KDM5B: variants seen among roughly 807,000 people sequenced by gnomAD.
The protein encoded by KDM5B is lysine-specific demethylase 5B.
A neutral mutation model predicts 193.4 loss-of-function variants in KDM5B; 144 were observed. That is an observed-to-expected ratio of 0.74 (90% CI 0.65 to 0.86). The LOEUF is 0.86. Among genes scored for constraint, KDM5B ranks in the 40% least tolerant of loss-of-function variants. KDM5B has a pLI of 0.00. For synonymous variants in KDM5B, 668 were observed against 682.6 expected (o/e 0.98, Z 0.33); for missense variants, 1,833 against 1,886.9 (o/e 0.97, Z 0.53).
intron 1 of KDM5B, among the ~76,000 whole-genome samples, chr1:202,801,248 G>A (rs190111378): frequency 2.7e-3 from 356 of 131,538 alleles, no homozygotes; most frequent in African/African-American, 8.7e-3. Context: ...TTTTATATCC[G>A]AAAGAAAGCT....
At chr1:202,760,190 T>G (rs1656189999) in intron 8 of KDM5B, among the ~76,000 whole-genome samples, 2 of 107,540 alleles carry the variant, frequency 1.9e-5, no homozygotes, top group South Asian at 6.4e-4. Context: ...GGCATGGGCC[T>G]GTAGTCCCAG....
In KDM5B at chr1:202,770,104, GAATA is replaced by G. The variant is rs550343834; in HGVS notation, c.576+3010_576+3013del. On this transcript the variant is annotated intron_variant, in intron 4 of 26. Transcript: ENST00000367265. ...GAAAATCATGCCCTGTAGTTTTTTA[GAATA>G]AATATGAAGAGCTTTATTATTTTGT... Among the ~76,000 whole-genome samples the G allele has an allele frequency of 1.8e-3, 271 of 152,230 alleles. 1 individual carries two copies. The highest frequency in any genetic ancestry group is 3.4e-3 in the Middle Eastern group (1 of 294).
At chr1:202,746,983 T>C (rs1655584493) in intron 14 of KDM5B, among the ~76,000 whole-genome samples, 2 of 152,184 alleles carry the variant, frequency 1.3e-5, no homozygotes, top group Non-Finnish European at 2.9e-5. Flanking sequence ...ACCTAACATC[T>C]AGAGAACCCT....
Position 202,727,847 on chromosome 1 carries a change from C to T in KDM5B, c.*1189G>A, listed in dbSNP as rs1192808140. 1 of 152,678 alleles carries T rather than the reference C, an allele frequency of 6.5e-6. No individual in the cohort carries two copies. The highest frequency in any genetic ancestry group is 1.5e-5 in the Non-Finnish European group (1 of 68,050). The allele number at this position is 152,678 out of a possible 1,614,324, so 9.5% of individuals were successfully genotyped here. On this transcript the variant is annotated 3_prime_UTR_variant, in exon 27 of 27. Coordinates refer to ENST00000367265, the MANE Select transcript of KDM5B (RefSeq NM_006618.5). ...CGTCTTAACCCTAAACCAAGTTCCC[C>T]TGTCAATTCAAATATAATAAAGGCA...
Position 202,764,666 on chromosome 1 carries a change from G to C in KDM5B, c.712-521C>G, listed in dbSNP as rs189295477. 9.9e-5 allele frequency among the ~76,000 whole-genome samples: 15 copies of C among 151,960 alleles called. No individual in the cohort carries two copies. The East Asian group carries it at 2.5e-3, about 26-fold the overall frequency. The stretch of plus-strand genomic sequence containing the variant: ...AAACAAACAAACAAAAAAACAAATA[G>C]GGAAAAGTCAAAGGATCAAGAACAA... On this transcript the variant is annotated intron_variant, in intron 5 of 26. Transcript: ENST00000367265.
At chr1:202,755,919 C>T (rs1384051206) in intron 10 of KDM5B, among the ~76,000 whole-genome samples, 1 of 150,508 alleles carries the variant, frequency 6.6e-6, no homozygotes, top group Non-Finnish European at 1.5e-5. Flanking sequence ...ATTCATCAGT[C>T]TGTATACATA....
chr1:202,786,872 C>T (rs966161290), intron 1 of KDM5B, among the ~76,000 whole-genome samples: 1 of 151,964 alleles, frequency 6.6e-6, no homozygotes, highest in Non-Finnish European at 1.5e-5. Context: ...CATGCAGAAA[C>T]CCCGTCTTTA....
In KDM5B at chr1:202,729,830, T is replaced by C. The variant is rs1166646895; in HGVS notation, c.4374A>G (p.Glu1458=). The C allele has an allele frequency of 1.1e-5, 18 of 1,614,172 alleles. No homozygotes were observed. The highest frequency in any genetic ancestry group is 1.4e-5 in the Non-Finnish European group (17 of 1,180,000). ...NFKLERERSY[E]LVRSAETHSL... ...AATGAGTTTCAGCAGAACGAACTAA[T>C]TCATAGCTACGCTCTCTCTCTAACT... Residue 1458 remains glutamate, a synonymous_variant, in exon 26 of 27, where the codon GAA becomes GAG. Transcript: ENST00000367265.
At chr1:202,802,386 G>T (rs936229960) in intron 1 of KDM5B, among the ~76,000 whole-genome samples, 1 of 151,518 alleles carries the variant, frequency 6.6e-6, no homozygotes, top group Non-Finnish European at 1.5e-5. Context: ...TGTTGTTGTT[G>T]TTTGTTGTTG....
intron 2 of KDM5B, among the ~76,000 whole-genome samples, chr1:202,775,824 C>T (rs1181685567): frequency 7.9e-6 from 1 of 126,120 alleles, no homozygotes; most frequent in African/African-American, 3.0e-5. Flanking sequence ...CCACTGCACT[C>T]CAGCCTTGGT....
intron 1 of KDM5B, among the ~76,000 whole-genome samples, chr1:202,778,217 C>T (rs1394709762): frequency 6.6e-6 from 1 of 151,888 alleles, no homozygotes; most frequent in African/African-American, 2.4e-5. Flanking sequence ...CTCGTATAGA[C>T]AACTGTTCTC....
chr1:202,791,748 T>A (rs1479942647), intron 1 of KDM5B, among the ~76,000 whole-genome samples: 2 of 152,326 alleles, frequency 1.3e-5, no homozygotes, highest in East Asian at 3.8e-4. Context: ...AGATGGAGTC[T>A]TGCTCTGTCA....
intron 20 of KDM5B, among the ~76,000 whole-genome samples, chr1:202,739,462 T>A (rs926921439): frequency 1.3e-5 from 2 of 151,940 alleles, no homozygotes; most frequent in Non-Finnish European, 2.9e-5. Flanking sequence ...TTGCCTTTTT[T>A]ATTTTTATTT....
intron 1 of KDM5B, among the ~76,000 whole-genome samples, chr1:202,797,701 C>T (rs550776966): frequency 9.8e-5 from 15 of 152,296 alleles, no homozygotes; most frequent in East Asian, 3.9e-4. Flanking sequence ...CTTCTATTTG[C>T]GTGGCTTCCA....
intron 1 of KDM5B, among the ~76,000 whole-genome samples, chr1:202,793,166 C>T (rs1657711248): frequency 6.6e-6 from 1 of 152,142 alleles, no homozygotes; most frequent in Non-Finnish European, 1.5e-5. Context: ...GGCTGTGTCA[C>T]CTTAGGCAAG....
rs1558485380 is a variant in KDM5B, at chr1:202,741,638, C to A, written c.2674G>T (p.Asp892Tyr). Residue 892 changes from aspartate to tyrosine, a missense_variant, in exon 19 of 27, where the codon GAC becomes TAC. By Grantham distance (160) the Asp-to-Tyr change is radical. Coordinates refer to ENST00000367265, the MANE Select transcript of KDM5B (RefSeq NM_006618.5). Reference protein sequence around the residue: ...EETPSAAELQDLLDVSFEFDV... With the variant: ...EETPSAAELQYLLDVSFEFDV... ...AATTCAAAGCTGACATCTAGCAAGTCCTGCAGCTCCGCAGCACTAGGCGTT... is the reference window on the plus strand; with the variant it reads ...AATTCAAAGCTGACATCTAGCAAGTACTGCAGCTCCGCAGCACTAGGCGTT... The A allele has an allele frequency of 2.5e-6, 4 of 1,614,120 alleles. No homozygotes were observed. The highest frequency in any genetic ancestry group is 3.4e-6 in the Non-Finnish European group (4 of 1,179,968).
intron 1 of KDM5B, among the ~76,000 whole-genome samples, chr1:202,785,928 T>C (rs1037571290): frequency 6.9e-6 from 1 of 145,956 alleles, no homozygotes; most frequent in Admixed American, 6.8e-5. Flanking sequence ...AAAAAAAAAG[T>C]GCCGGTTTTT....
intron 1 of KDM5B, among the ~76,000 whole-genome samples, chr1:202,784,643 C>G (rs1202677938): frequency 6.6e-6 from 1 of 152,152 alleles, no homozygotes; most frequent in African/African-American, 2.4e-5. Context: ...CTATAAAAGA[C>G]AAGCAGAGTT....
intron 1 of KDM5B, among the ~76,000 whole-genome samples, chr1:202,793,694 C>CTAATGTT (rs1657730660): frequency 6.6e-6 from 1 of 152,266 alleles, no homozygotes; most frequent in South Asian, 2.1e-4. Flanking sequence ...TCCTAGCTGG[C>CTAATGTT]TAATGTTACC....
Sources: allele counts gnomAD v4.1 joint callset (sites outside exome capture counted in the v4.1 genomes callset), GRCh38; gene constraint gnomAD v4.1.1; transcripts MANE v1.5; gene names NCBI Gene and HGNC (gene_info 2026-07-23, HGNC 2026-07-21).